CNTNAP4: variants seen among roughly 807,000 people sequenced by gnomAD.
CNTNAP4 encodes the protein contactin associated protein family member 4.
CNTNAP4 carries 98 observed loss-of-function variants against 148.4 expected under a neutral mutation model. That is an observed-to-expected ratio of 0.66 (90% CI 0.56 to 0.78). The LOEUF is 0.78. CNTNAP4 is among the 30% of genes least tolerant of loss of function. CNTNAP4 has a pLI of 0.00. For missense variants in CNTNAP4, 1,935 were observed against 1,565.6 expected (o/e 1.24, Z -3.98); for synonymous variants, 730 against 565.1 (o/e 1.29, Z -4.14).
Position 76,448,954 on chromosome 16 carries a change from G to A in CNTNAP4, c.927+3G>A, listed in dbSNP as rs1207171214. On this transcript the variant is annotated splice_donor_region_variant and intron_variant, in intron 6 of 23. Transcript: ENST00000611870. Reference sequence around the variant, plus strand: ...ATCTCATGAATCTTGATTATGAGGTGTGATGGTTATGTTTCAATTAATGCT... The same window carrying A: ...ATCTCATGAATCTTGATTATGAGGTATGATGGTTATGTTTCAATTAATGCT... 1.9e-6 allele frequency: 3 copies of A among 1,610,788 alleles called. No individual in the cohort carries two copies. The highest frequency in any genetic ancestry group is 1.3e-5 in the African/African-American group (1 of 74,962).
intron 3 of CNTNAP4, among the ~76,000 whole-genome samples, chr16:76,374,366 T>C (rs544273154): frequency 7.9e-5 from 12 of 152,326 alleles, no homozygotes; most frequent in Non-Finnish European, 1.5e-4. Context: ...ACAAAGCGAT[T>C]ATGTTACTAA....
At chr16:76,319,047 A>G (rs1194758275) in intron 2 of CNTNAP4, among the ~76,000 whole-genome samples, 1 of 152,084 alleles carries the variant, frequency 6.6e-6, no homozygotes, top group Non-Finnish European at 1.5e-5. Context: ...GTCAAGGGTA[A>G]TACTGTGAAA....
intron 1 of CNTNAP4, among the ~76,000 whole-genome samples, chr16:76,285,668 C>T (rs1177573879): frequency 6.6e-6 from 1 of 151,932 alleles, no homozygotes; most frequent in African/African-American, 2.4e-5. Flanking sequence ...ATAAATTCAC[C>T]TGCCTTCCTA....
intron 3 of CNTNAP4, among the ~76,000 whole-genome samples, chr16:76,412,021 A>G (rs987733420): frequency 6.6e-6 from 1 of 151,410 alleles, no homozygotes; most frequent in Admixed American, 6.6e-5. Context: ...AGTTTTGCTT[A>G]TTTTGAATTA....
chr16:76,460,773 A>AAAAAAAAATATATATATATAT, intron 8 of CNTNAP4, among the ~76,000 whole-genome samples: 1 of 57,322 alleles, frequency 1.7e-5, no homozygotes, highest in Admixed American at 2.4e-4. Flanking sequence ...AAAAAAAAAA[A>AAAAAAAAATATATATATATAT]ATATATATAT....
chr16:76,480,259 C>G (rs1300139316), intron 12 of CNTNAP4, among the ~76,000 whole-genome samples: 1 of 152,070 alleles, frequency 6.6e-6, no homozygotes, highest in Non-Finnish European at 1.5e-5. Flanking sequence ...TTAGGATTGT[C>G]ATTGAACAAC....
rs144695538 is a variant in CNTNAP4, at chr16:76,432,683, T to G, written c.538+5084T>G. ...CTGCAATGTCCTTAGGAAGCAGCAA[T>G]TAAACCATAGGAGATAATGTTCTTT... On this transcript the variant is annotated intron_variant, in intron 4 of 23. Transcript: ENST00000611870. The G allele has an allele frequency of 5.3e-5, 8 of 152,282 alleles. No individual in the cohort carries two copies. The East Asian group carries it at 1.5e-3, about 29-fold the overall frequency. The allele number at this position is 152,282 out of a possible 1,614,324, so 9.4% of individuals were successfully genotyped here.
intron 3 of CNTNAP4, among the ~76,000 whole-genome samples, chr16:76,375,421 G>A (rs1458917829): frequency 6.6e-6 from 1 of 152,110 alleles, no homozygotes; most frequent in Non-Finnish European, 1.5e-5. Context: ...GGCTGTCTCA[G>A]AAAAAGGCAT....
intron 13 of CNTNAP4, among the ~76,000 whole-genome samples, chr16:76,494,278 A>T (rs1031280969): frequency 1.8e-4 from 28 of 152,134 alleles, no homozygotes; most frequent in African/African-American, 6.3e-4. Flanking sequence ...ATTGAGTGTA[A>T]TATTCGCTTC....
intron 2 of CNTNAP4, among the ~76,000 whole-genome samples, chr16:76,335,735 A>G (rs372811648): frequency 6.6e-6 from 1 of 152,170 alleles, no homozygotes; most frequent in Non-Finnish European, 1.5e-5. Context: ...GGAGATTGCC[A>G]TGTGACAAGA....
At chr16:76,351,496 G>A (rs990757783) in intron 2 of CNTNAP4, among the ~76,000 whole-genome samples, 28 of 152,112 alleles carry the variant, frequency 1.8e-4, no homozygotes, top group Admixed American at 1.6e-3. Context: ...TCTATCACAC[G>A]CTAATACCAT....
chr16:76,528,894 T>G (rs186821460), intron 17 of CNTNAP4, among the ~76,000 whole-genome samples: 1 of 152,256 alleles, frequency 6.6e-6, no homozygotes. Flanking sequence ...GCAATACAGA[T>G]CAGAAGGCTT....
At chr16:76,554,268 A>G (rs986066504) in intron 23 of CNTNAP4, among the ~76,000 whole-genome samples, 3 of 152,204 alleles carry the variant, frequency 2.0e-5, no homozygotes, top group Non-Finnish European at 4.4e-5. Context: ...CTTCTTGGAC[A>G]TATCACTGCT....
At chr16:76,486,897 G>A (rs957522600) in intron 12 of CNTNAP4, among the ~76,000 whole-genome samples, 2 of 152,132 alleles carry the variant, frequency 1.3e-5, no homozygotes, top group South Asian at 2.1e-4. Context: ...ATGTGCAGGT[G>A]GGAAATTGAG....
At chr16:76,322,982 G>A (rs6564321) in intron 2 of CNTNAP4, among the ~76,000 whole-genome samples, 5,896 of 151,750 alleles carry the variant, frequency 0.039, 396 homozygotes, top group African/African-American at 0.14. Flanking sequence ...GTACAGGCAC[G>A]CACCACCACA....
intron 12 of CNTNAP4, among the ~76,000 whole-genome samples, chr16:76,487,389 T>A (rs979107928): frequency 6.6e-6 from 1 of 152,212 alleles, no homozygotes; most frequent in Admixed American, 6.5e-5. Flanking sequence ...GCTTACAGAC[T>A]GGTAGGAAAG....
intron 3 of CNTNAP4, among the ~76,000 whole-genome samples, chr16:76,419,109 C>G (rs2079087998): frequency 6.6e-6 from 1 of 151,978 alleles, no homozygotes; most frequent in Admixed American, 6.6e-5. Context: ...GTTGTTGTCT[C>G]AGAACTGTGA....
At chr16:76,303,845 G>A (rs776620832) in intron 1 of CNTNAP4, among the ~76,000 whole-genome samples, 1 of 152,118 alleles carries the variant, frequency 6.6e-6, no homozygotes, top group African/African-American at 2.4e-5. Flanking sequence ...TTCTTTTTAA[G>A]TAATTCAGTA....
At chr16:76,436,864 A>C (rs2079846257) in intron 4 of CNTNAP4, among the ~76,000 whole-genome samples, 1 of 152,006 alleles carries the variant, frequency 6.6e-6, no homozygotes. Context: ...AGAAACCCCA[A>C]AACAGCTAAA....
Sources: allele counts gnomAD v4.1 joint callset (sites outside exome capture counted in the v4.1 genomes callset), GRCh38; gene constraint gnomAD v4.1.1; transcripts MANE v1.5; gene names NCBI Gene and HGNC (gene_info 2026-07-23, HGNC 2026-07-21).